The following CDH13 variants were observed in gnomAD, a reference collection of about 807,000 sequenced individuals.
The protein encoded by CDH13 is cadherin 13, also known as cadherin-13.
In CDH13, 24 loss-of-function variants were observed where a neutral mutation model predicts 63.8. That is an observed-to-expected ratio of 0.38 (90% CI 0.27 to 0.53). The LOEUF (loss-of-function observed/expected upper bound fraction) is 0.53. CDH13 is among the 20% of genes least tolerant of loss of function. CDH13 has a pLI of 0.85. For missense variants in CDH13, 1,049 were observed against 903.1 expected (o/e 1.16, Z -2.07); for synonymous variants, 503 against 355.3 (o/e 1.42, Z -4.67).
intron 8 of CDH13, among the ~76,000 whole-genome samples, chr16:83,623,940 C>T (rs1224552341): frequency 6.6e-6 from 1 of 152,224 alleles, no homozygotes; most frequent in Non-Finnish European, 1.5e-5. Flanking sequence ...CCTGTTTGCA[C>T]TCATTTCGTT....
At chr16:83,134,281 C>T (rs1159093989) in intron 4 of CDH13, among the ~76,000 whole-genome samples, 2 of 152,142 alleles carry the variant, frequency 1.3e-5, no homozygotes, top group African/African-American at 4.8e-5. Context: ...CAACCTCTGC[C>T]TCCCAGGTTC....
chr16:83,077,222 T>A (rs2032915609), intron 3 of CDH13, among the ~76,000 whole-genome samples: 1 of 125,090 alleles, frequency 8.0e-6, no homozygotes, highest in Non-Finnish European at 1.6e-5. Context: ...AGACAGAGTC[T>A]CACTCTGTCA....
chr16:83,169,807 T>C (rs925423096), intron 4 of CDH13, among the ~76,000 whole-genome samples: 2 of 152,130 alleles, frequency 1.3e-5, no homozygotes, highest in Non-Finnish European at 2.9e-5. Context: ...ATACCATTTT[T>C]TCCTTATGCG....
At chr16:83,493,575 G>C (rs1216357117) in intron 7 of CDH13, among the ~76,000 whole-genome samples, 1 of 152,194 alleles carries the variant, frequency 6.6e-6, no homozygotes, top group African/African-American at 2.4e-5. Context: ...CGTGGGGAAA[G>C]GAGTGGCATG....
intron 3 of CDH13, among the ~76,000 whole-genome samples, chr16:83,098,822 TAAG>T (rs1269564494): frequency 6.6e-6 from 1 of 152,112 alleles, no homozygotes; most frequent in Non-Finnish European, 1.5e-5. Flanking sequence ...TTGATTATGA[TAAG>T]AAACATTTTT....
intron 1 of CDH13, among the ~76,000 whole-genome samples, chr16:82,842,796 A>C (rs2039088502): frequency 1.3e-5 from 2 of 152,190 alleles, no homozygotes; most frequent in African/African-American, 2.4e-5. Context: ...TTTTCCTGCA[A>C]CTAGACAGTC....
chr16:83,505,516 G>A (rs951798364), intron 7 of CDH13, among the ~76,000 whole-genome samples: 1 of 149,120 alleles, frequency 6.7e-6, no homozygotes, highest in East Asian at 2.0e-4. Context: ...AAGCTGATGA[G>A]GTTTGTGATT....
chr16:83,166,376 G>A (rs143010589), intron 4 of CDH13, among the ~76,000 whole-genome samples: 1,797 of 152,210 alleles, frequency 0.012, 20 homozygotes, highest in Non-Finnish European at 0.019. Context: ...GCCCAGACAG[G>A]AAGAGTAATT....
chr16:83,398,094 C>G (rs747262287), intron 6 of CDH13: 1 of 152,192 alleles, frequency 6.6e-6, no homozygotes, highest in Admixed American at 6.5e-5. Context: ...ACAGCAGAAT[C>G]CCCAGGAGGA....
chr16:83,201,336 T>A (rs1450265086), intron 4 of CDH13, among the ~76,000 whole-genome samples: 1 of 151,856 alleles, frequency 6.6e-6, no homozygotes, highest in Non-Finnish European at 1.5e-5. Flanking sequence ...AGGAAGTATG[T>A]CAGGTACTGA....
At chr16:82,681,324 C>T (rs116718929) in intron 1 of CDH13, among the ~76,000 whole-genome samples, 1,961 of 152,194 alleles carry the variant, frequency 0.013, 30 homozygotes, top group African/African-American at 0.04. Flanking sequence ...ACAGTAGATT[C>T]GTGATTGCCA....
rs113500468 is a variant in CDH13 at position 83,070,688 on chromosome 16, A to G, written c.366+38470A>G. Among the ~76,000 whole-genome samples the G allele has an allele frequency of 2.9e-3, 439 of 152,334 alleles. 2 individuals are homozygous for G. Among genetic ancestry groups the G allele is most frequent in the African/African-American group, 9.9e-3 (413 of 41,582 alleles). On this transcript the variant is annotated intron_variant, in intron 3 of 13. Coordinates refer to ENST00000567109, the MANE Select transcript of CDH13 (RefSeq NM_001257.5). The stretch of plus-strand genomic sequence containing the variant: ...CGCCCAAGAAGATGATTGACCTTCA[A>G]TTACATTGAAGGGAATGACTGAACT...
chr16:83,315,558 T>G (rs1019906165), intron 5 of CDH13, among the ~76,000 whole-genome samples: 5 of 152,142 alleles, frequency 3.3e-5, no homozygotes, highest in Non-Finnish European at 7.4e-5. Context: ...AGGCACATAG[T>G]TCATCACCAA....
intron 1 of CDH13, among the ~76,000 whole-genome samples, chr16:82,682,467 A>T (rs1428350712): frequency 6.6e-6 from 1 of 152,222 alleles, no homozygotes; most frequent in Non-Finnish European, 1.5e-5. Context: ...GTGGTCCCTC[A>T]AGTTCTGCAG....
chr16:83,616,271 T>C (rs1015993272), intron 8 of CDH13, among the ~76,000 whole-genome samples: 1 of 152,170 alleles, frequency 6.6e-6, no homozygotes, highest in Non-Finnish European at 1.5e-5. Flanking sequence ...ATATATAATC[T>C]ACCATGTGGC....
At chr16:83,108,507 C>T (rs1051693986) in intron 3 of CDH13, among the ~76,000 whole-genome samples, 1 of 152,212 alleles carries the variant, frequency 6.6e-6, no homozygotes, top group Non-Finnish European at 1.5e-5. Context: ...CAGGTTACCA[C>T]AGAAACAAGA....
intron 3 of CDH13, among the ~76,000 whole-genome samples, chr16:83,040,078 G>A (rs113039392): frequency 5.9e-5 from 9 of 151,436 alleles, no homozygotes; most frequent in African/African-American, 1.2e-4. Context: ...GAAGGCCCTC[G>A]CTCCCATGCA....
chr16:83,153,568 G>C (rs2037081691), intron 4 of CDH13, among the ~76,000 whole-genome samples: 1 of 152,196 alleles, frequency 6.6e-6, no homozygotes, highest in Non-Finnish European at 1.5e-5. Context: ...AGTTAGTTCA[G>C]CCTATGCCCA....
intron 12 of CDH13, 74 bp from the exon 13 acceptor site, chr16:83,783,180 T>G (rs937764936): frequency 1.0e-6 from 1 of 992,612 alleles, no homozygotes; most frequent in African/African-American, 1.6e-5. Context: ...GGTGTGACTT[T>G]CATCACCAAA....
Sources: gnomAD v4.1 joint callset for allele counts (sites outside exome capture counted in the v4.1 genomes callset) on GRCh38, gnomAD v4.1.1 for gene constraint, MANE v1.5 for transcripts, NCBI Gene and HGNC (gene_info 2026-07-23, HGNC 2026-07-21) for gene names.